CDH20: variants seen among roughly 807,000 people sequenced by gnomAD.
CDH20 encodes the protein cadherin 20.
In CDH20, 29 loss-of-function variants were observed where a neutral mutation model predicts 74.2. The ratio of observed to expected loss-of-function variants is 0.39; its 90% CI spans 0.29 to 0.53. The LOEUF is 0.53. CDH20 is among the 20% of genes least tolerant of loss of function. The probability of loss-of-function intolerance (pLI) is 0.69; values close to 1 mark genes in which losing one functional copy is unlikely to be tolerated. For synonymous variants in CDH20, 469 were observed against 405.4 expected (o/e 1.16, Z -1.88); for missense variants, 988 against 1,048.3 (o/e 0.94, Z 0.79).
chr18:61,503,134 C>T lies in CDH20; in HGVS notation c.829+14C>T. 1 of 1,583,742 alleles carries T rather than the reference C, an allele frequency of 6.3e-7. No homozygotes were observed. The highest frequency in any genetic ancestry group is 8.6e-7 in the Non-Finnish European group (1 of 1,165,340). On this transcript the variant is annotated intron_variant, in intron 5 of 11. Coordinates refer to ENST00000262717, the MANE Select transcript of CDH20 (RefSeq NM_031891.4). ...GCTTTCCCCAGAGTGAGTACCTAAC[C>T]CAAGAGAGCACAGACCTCGGGCCCA... is the stretch of plus-strand genomic sequence containing the variant.
At chr18:61,548,700 G>A (rs953187397) in intron 10 of CDH20, among the ~76,000 whole-genome samples, 1 of 152,298 alleles carries the variant, frequency 6.6e-6, no homozygotes, top group Middle Eastern at 3.4e-3. Flanking sequence ...GTCCCAGGCC[G>A]CCCCGCTCTG....
intron 7 of CDH20, among the ~76,000 whole-genome samples, chr18:61,535,134 G>A (rs561438490): frequency 3.7e-4 from 56 of 152,018 alleles, no homozygotes; most frequent in South Asian, 8.3e-4. Flanking sequence ...TGGCCAACGT[G>A]GCAAAACCTT....
At chr18:61,475,083 G>C (rs1369182055) in intron 1 of CDH20, among the ~76,000 whole-genome samples, 1 of 152,100 alleles carries the variant, frequency 6.6e-6, no homozygotes, top group Non-Finnish European at 1.5e-5. Flanking sequence ...TAGCAGGTGA[G>C]TGGTCCGATA....
At chr18:61,440,867 G>T (rs548721262) in intron 1 of CDH20, among the ~76,000 whole-genome samples, 11 of 152,234 alleles carry the variant, frequency 7.2e-5, no homozygotes, top group Admixed American at 3.3e-4. Flanking sequence ...CAGGTCACAA[G>T]GCCAACCCAA....
intron 1 of CDH20, among the ~76,000 whole-genome samples, chr18:61,363,530 T>G (rs1910766400): frequency 6.6e-6 from 1 of 152,156 alleles, no homozygotes; most frequent in Non-Finnish European, 1.5e-5. Flanking sequence ...CTTTAATGTA[T>G]TTGGTATTAT....
At chr18:61,460,216 A>C (rs1157282598) in intron 1 of CDH20, among the ~76,000 whole-genome samples, 1 of 152,228 alleles carries the variant, frequency 6.6e-6, no homozygotes, top group African/African-American at 2.4e-5. Flanking sequence ...TTAAAATTCC[A>C]AAGGCATTTT....
At chr18:61,425,478 G>C (rs1334246428) in intron 1 of CDH20, among the ~76,000 whole-genome samples, 1 of 152,154 alleles carries the variant, frequency 6.6e-6, no homozygotes, top group Non-Finnish European at 1.5e-5. Flanking sequence ...GTGGTACCAA[G>C]GTAACCATAG....
intron 6 of CDH20, among the ~76,000 whole-genome samples, chr18:61,515,257 G>A (rs1018322535): frequency 2.6e-5 from 4 of 152,128 alleles, no homozygotes; most frequent in African/African-American, 7.2e-5. Flanking sequence ...GGAGTGACCC[G>A]ATTTTCCAGG....
At chr18:61,339,163 T>G (rs1384608317) in intron 1 of CDH20, among the ~76,000 whole-genome samples, 2 of 152,036 alleles carry the variant, frequency 1.3e-5, no homozygotes, top group Non-Finnish European at 2.9e-5. Flanking sequence ...GTTAATGGGT[T>G]TTTTTCTTAA....
intron 1 of CDH20, among the ~76,000 whole-genome samples, chr18:61,381,976 A>G (rs1262654540): frequency 6.6e-6 from 1 of 151,660 alleles, no homozygotes; most frequent in Non-Finnish European, 1.5e-5. Context: ...TACCCCCCCC[A>G]GTATGGTCAC....
intron 3 of CDH20, 31 bp downstream of exon 3, chr18:61,499,511 T>C: frequency 6.6e-7 from 1 of 1,514,718 alleles, no homozygotes; most frequent in Non-Finnish European, 9.0e-7. Context: ...TTTTCACAAA[T>C]AGCACCTCCT....
intron 1 of CDH20, among the ~76,000 whole-genome samples, chr18:61,344,924 T>C (rs1363364913): frequency 6.6e-6 from 1 of 152,232 alleles, no homozygotes; most frequent in African/African-American, 2.4e-5. Context: ...GGTTATCTTC[T>C]GTCTTATGAT....
intron 1 of CDH20, among the ~76,000 whole-genome samples, chr18:61,435,604 G>T (rs1020214582): frequency 2.0e-5 from 3 of 151,934 alleles, no homozygotes; most frequent in African/African-American, 7.3e-5. Context: ...CATTATCCCA[G>T]AAAGAGGAAA....
intron 1 of CDH20, among the ~76,000 whole-genome samples, chr18:61,364,214 G>T (rs1167094409): frequency 6.6e-6 from 1 of 152,144 alleles, no homozygotes; most frequent in Non-Finnish European, 1.5e-5. Context: ...CAGCATTGGG[G>T]GTGGGGCCTA....
chr18:61,526,998 T>A (rs1912435975), intron 6 of CDH20, among the ~76,000 whole-genome samples: 1 of 152,138 alleles, frequency 6.6e-6, no homozygotes, highest in Non-Finnish European at 1.5e-5. Context: ...CTGACCAACA[T>A]GGTGAAACCC....
chr18:61,513,576 T>C (rs1568171895), intron 6 of CDH20, among the ~76,000 whole-genome samples: 1 of 151,448 alleles, frequency 6.6e-6, no homozygotes, highest in Non-Finnish European at 1.5e-5. Context: ...CGTTAGTTGA[T>C]GCAGTTTCTT....
Position 61,487,026 on chromosome 18 carries a change from T to C in CDH20, c.-152-3376T>C, listed in dbSNP as rs1479870485. 2.6e-5 allele frequency among the ~76,000 whole-genome samples: 4 copies of C among 152,372 alleles called. No homozygotes were observed. In the East Asian group the frequency reaches 5.8e-4, roughly 22 times the overall value. On this transcript the variant is annotated intron_variant, in intron 1 of 11. Coordinates refer to ENST00000262717, the MANE Select transcript of CDH20 (RefSeq NM_031891.4). ...AACAATTCACTGAAAGCACACTTTA[T>C]GTACAACTTTAATTTCTTCCTACTG... is the stretch of plus-strand genomic sequence containing the variant.
At chr18:61,458,692 T>G (rs1185330518) in intron 1 of CDH20, among the ~76,000 whole-genome samples, 1 of 152,222 alleles carries the variant, frequency 6.6e-6, no homozygotes, top group African/African-American at 2.4e-5. Flanking sequence ...GAAGCTAGAT[T>G]GCACATAAGC....
At chr18:61,538,602 G>GTTTTTTTTTTTTTTTT (rs1227502362) in intron 8 of CDH20, among the ~76,000 whole-genome samples, 4 of 50,450 alleles carry the variant, frequency 7.9e-5, no homozygotes, top group Non-Finnish European at 1.1e-4. Context: ...GTTTGTTTTT[G>GTTTTTTTTTTTTTTTT]TTTTTGTTTT....
Sources: allele counts gnomAD v4.1 joint callset (sites outside exome capture counted in the v4.1 genomes callset), GRCh38; gene constraint gnomAD v4.1.1; transcripts MANE v1.5; gene names NCBI Gene and HGNC (gene_info 2026-07-23, HGNC 2026-07-21).